ZNF624: variants seen among roughly 807,000 people sequenced by gnomAD.
ZNF624 encodes the protein zinc finger protein 624.
In ZNF624, 43 loss-of-function variants were observed where a neutral mutation model predicts 74.7. The observed-to-expected ratio is 0.58, with a 90% CI of 0.45 to 0.74. The LOEUF (loss-of-function observed/expected upper bound fraction) is 0.74. Ranked by LOEUF, ZNF624 falls within the 30% of genes least tolerant of loss-of-function variation. The probability of loss-of-function intolerance (pLI) is 0.00; values close to 1 mark genes in which losing one functional copy is unlikely to be tolerated. For synonymous variants in ZNF624, 331 were observed against 341.3 expected (o/e 0.97, Z 0.33); for missense variants, 820 against 1,030.0 (o/e 0.80, Z 2.79).
At chr17:16,652,891 T>C (rs1169285593) in intron 1 of ZNF624, among the ~76,000 whole-genome samples, 1 of 152,222 alleles carries the variant, frequency 6.6e-6, no homozygotes, top group Non-Finnish European at 1.5e-5. Context: ...GAATCAGCTA[T>C]TAGTACATGA....
intron 1 of ZNF624, among the ~76,000 whole-genome samples, chr17:16,653,025 T>A (rs917858298): frequency 3.3e-5 from 5 of 152,234 alleles, no homozygotes; most frequent in African/African-American, 1.2e-4. Context: ...TGCAAACGTA[T>A]CCAGAGACTT....
At chr17:16,617,065 C>T (rs773960686), downstream of ZNF624, 105 of 1,611,784 alleles carry the variant, frequency 6.5e-5, no homozygotes, top group Non-Finnish European at 8.3e-5. Flanking sequence ...AGACCTGCTT[C>T]GATATTTCTC....
chr17:16,620,506 T>C (rs746747032), downstream of ZNF624, among the ~76,000 whole-genome samples: 1 of 152,206 alleles, frequency 6.6e-6, no homozygotes, highest in Non-Finnish European at 1.5e-5. Flanking sequence ...AAGTTCCAGA[T>C]ATTCTTGGGC....
At position 16,624,075 on chromosome 17, in the gene ZNF624, TATTGG is replaced by T. The variant is rs769532565; in HGVS notation, c.806_810del (p.Ser269Ter). 6.2e-7 allele frequency: 1 copy of T among 1,614,174 alleles called. No individual in the cohort carries two copies. The highest frequency in any genetic ancestry group is 1.7e-5 in the Admixed American group (1 of 60,026). Reference sequence around the variant, plus strand: ...CTACATTTGTAGGGTTTTTCCTTATTATTGGATTTTTTCCCCAAAGTTAGTTCTGA... The same window carrying T: ...CTACATTTGTAGGGTTTTTCCTTATTATTTTTTCCCCAAAGTTAGTTCTGA... On this transcript the variant is annotated frameshift_variant, in exon 6 of 6. Transcript: ENST00000311331. LOFTEE classifies it high-confidence loss of function.
downstream of ZNF624, chr17:16,616,828 G>C (rs914053191): frequency 9.4e-7 from 1 of 1,063,716 alleles, no homozygotes; most frequent in Non-Finnish European, 1.4e-6. Flanking sequence ...ATAGTGTGCA[G>C]ACAACAAGAG....
At chr17:16,639,975 TC>T (rs1476562210) in intron 3 of ZNF624, among the ~76,000 whole-genome samples, 13 of 152,216 alleles carry the variant, frequency 8.5e-5, no homozygotes, top group Non-Finnish European at 7.4e-5. Context: ...TCCGAGGAAG[TC>T]AAGACATTGT....
the ZNF624 span, among the ~76,000 whole-genome samples, chr17:16,614,549 G>A: frequency 6.6e-6 from 1 of 152,016 alleles, no homozygotes; most frequent in Non-Finnish European, 1.5e-5. Flanking sequence ...AATTTTCCCA[G>A]GTGCTACTCT....
intron 1 of ZNF624, among the ~76,000 whole-genome samples, chr17:16,650,411 T>TAAAATAATAATAATAATA (rs376534840): frequency 1.4e-5 from 2 of 148,054 alleles, no homozygotes; most frequent in African/African-American, 2.5e-5. Context: ...AGGAAGCAGG[T>TAAAATAATAATAATAATA]ATAATAATAA....
intron 5 of ZNF624, among the ~76,000 whole-genome samples, chr17:16,625,413 C>T (rs1176070807): frequency 6.6e-6 from 1 of 152,142 alleles, no homozygotes; most frequent in Non-Finnish European, 1.5e-5. Flanking sequence ...AACTTCTGAC[C>T]TCAGGTGATC....
chr17:16,631,590 G>A (rs1909208680), intron 5 of ZNF624: 1 of 152,066 alleles, frequency 6.6e-6, no homozygotes. Context: ...AGGTGTGGTG[G>A]TGTGTGCCTC....
In ZNF624 at chr17:16,624,513, G is replaced by A; in HGVS notation, c.377-4C>T. 6 of 1,544,056 alleles carry A rather than the reference G, an allele frequency of 3.9e-6. No individual in the cohort carries two copies. The highest frequency in any genetic ancestry group is 2.3e-5 in the Admixed American group (1 of 44,426). ...GTTGCAGGTTTGGGCTCCATGTCTG[G>A]GGCAAAAAAGAGAAAAATCAAGTAA... is the stretch of plus-strand genomic sequence containing the variant. On this transcript the variant is annotated splice_polypyrimidine_tract_variant and splice_region_variant and intron_variant, in intron 5 of 5. Coordinates refer to ENST00000311331, the MANE Select transcript of ZNF624 (RefSeq NM_020787.4).
chr17:16,616,763 A>C (rs1908799376), downstream of ZNF624: 1 of 776,676 alleles, frequency 1.3e-6, no homozygotes, highest in African/African-American at 1.8e-5. Flanking sequence ...CTCTTGCAGA[A>C]GAGACCAAGT....
At position 16,633,896 on chromosome 17, in the gene ZNF624, C is replaced by T. The variant is rs764649753; in HGVS notation, c.342G>A (p.Val114=). Residue 114 remains valine (V), a synonymous_variant, in exon 5 of 6, where the codon GTG becomes GTA. Transcript: ENST00000311331. The part of the protein sequence containing the change: ...SHLENGKGPW[V]TVREISRIPY... Reference sequence around the variant, plus strand: ...GAATTCTTGAAATTTCTCTCACCGTCACCCATGGTCCTTTCCCATTCTCCA... The same window carrying T: ...GAATTCTTGAAATTTCTCTCACCGTTACCCATGGTCCTTTCCCATTCTCCA... 4 of 1,613,550 alleles carry T rather than the reference C, an allele frequency of 2.5e-6. No homozygotes were observed. The African/African-American group carries it at 5.3e-5, about 22-fold the overall frequency.
At chr17:16,637,160 AC>A (rs763136154) in intron 3 of ZNF624, among the ~76,000 whole-genome samples, 162 of 152,220 alleles carry the variant, frequency 1.1e-3, no homozygotes, top group Non-Finnish European at 2.0e-3. Flanking sequence ...AATCCAACTT[AC>A]AAGGGATGTG....
chr17:16,620,093 A>G (rs967604938), downstream of ZNF624, among the ~76,000 whole-genome samples: 2 of 152,168 alleles, frequency 1.3e-5, no homozygotes, highest in African/African-American at 4.8e-5. Context: ...GTCTTTCCCA[A>G]TGTTAAATAC....
chr17:16,641,861 T>A (rs1189646292), intron 3 of ZNF624, among the ~76,000 whole-genome samples: 1 of 152,136 alleles, frequency 6.6e-6, no homozygotes, highest in African/African-American at 2.4e-5. Flanking sequence ...GTATACACTA[T>A]CAATAACTAT....
At chr17:16,619,132 A>C (rs1157276909), downstream of ZNF624, among the ~76,000 whole-genome samples, 1 of 152,220 alleles carries the variant, frequency 6.6e-6, no homozygotes, top group African/African-American at 2.4e-5. Flanking sequence ...CAAGGGAGAG[A>C]GAGGAAGATG....
chr17:16,623,267 T>C lies in ZNF624; in HGVS notation c.1619A>G (p.Tyr540Cys), dbSNP rs762470916. 3 of 1,613,978 alleles carry C rather than the reference T, an allele frequency of 1.9e-6. No homozygotes were observed. The highest frequency in any genetic ancestry group is 4.5e-5 in the East Asian group (2 of 44,868). Residue 540 changes from tyrosine (Y) to cysteine (C), a missense_variant, in exon 6 of 6, where the codon TAT becomes TGT. Transcript: ENST00000311331. This position sits in a 1 kb window ranked among gnomAD's most constrained non-coding sequence, Gnocchi z 5.3. The stretch of plus-strand genomic sequence containing the variant: ...TCTGTGGTGTACAGTAAGGCATGAA[T>C]AATTAATGAATGCTTTCCCACATTC... Reference protein sequence around the residue: ...CNECGKAFINYSCLTVHHRMH... With the variant: ...CNECGKAFINCSCLTVHHRMH...
At chr17:16,647,674 G>A (rs1423710989) in intron 2 of ZNF624, among the ~76,000 whole-genome samples, 2 of 152,166 alleles carry the variant, frequency 1.3e-5, no homozygotes, top group African/African-American at 4.8e-5. Context: ...AGTGCCTTCA[G>A]ACACTACATA....
Sources: allele counts gnomAD v4.1 joint callset (sites outside exome capture counted in the v4.1 genomes callset), GRCh38; gene constraint gnomAD v4.1.1; non-coding constraint Gnocchi (gnomAD v3.1); transcripts MANE v1.5; gene names NCBI Gene and HGNC (gene_info 2026-07-23, HGNC 2026-07-21).